The following OR9Q1 variants were observed in gnomAD, a reference collection of about 807,000 sequenced individuals.
OR9Q1 encodes the protein olfactory receptor family 9 subfamily Q member 1, also known as olfactory receptor 9Q1.
For missense variants in OR9Q1, 374 were observed against 378.8 expected (o/e 0.99, Z 0.11); for synonymous variants, 153 against 148.6 (o/e 1.03, Z -0.22).
At chr11:58,063,522 T>A (rs1003521487) in intron 2 of OR9Q1, among the ~76,000 whole-genome samples, 1 of 152,188 alleles carries the variant, frequency 6.6e-6, no homozygotes, top group Non-Finnish European at 1.5e-5. Flanking sequence ...TTATTAGAGT[T>A]ACTCTCAGCC....
At chr11:58,163,161 G>A (rs1350802319) in intron 2 of OR9Q1, among the ~76,000 whole-genome samples, 1 of 152,134 alleles carries the variant, frequency 6.6e-6, no homozygotes, top group Non-Finnish European at 1.5e-5. Context: ...TAATTTTAAG[G>A]TTCAGCTCAA....
At chr11:58,091,081 T>TA (rs1565073678) in intron 2 of OR9Q1, among the ~76,000 whole-genome samples, 25 of 151,930 alleles carry the variant, frequency 1.6e-4, no homozygotes, top group African/African-American at 4.8e-4. Flanking sequence ...TTAATTTTTT[T>TA]TAAAAAAAAC....
chr11:58,118,440 A>G (rs569558741), intron 2 of OR9Q1: 61 of 1,115,118 alleles, frequency 5.5e-5, no homozygotes, highest in Middle Eastern at 3.0e-4. Flanking sequence ...AATGGTGCCT[A>G]TTAGGATATA....
intron 2 of OR9Q1, among the ~76,000 whole-genome samples, chr11:58,076,417 TCC>T (rs1853539352): frequency 1.3e-5 from 2 of 152,194 alleles, no homozygotes; most frequent in African/African-American, 4.8e-5. Flanking sequence ...GGTGCCCATT[TCC>T]TGGCTAGCTG....
chr11:58,145,750 C>T (rs983429457), intron 2 of OR9Q1, among the ~76,000 whole-genome samples: 7 of 152,020 alleles, frequency 4.6e-5, no homozygotes, highest in South Asian at 2.1e-4. Flanking sequence ...ATCTGTCCTG[C>T]GTATTGTGGA....
At chr11:58,109,312 AC>A in intron 2 of OR9Q1, 1 of 461,556 alleles carries the variant, frequency 2.2e-6, no homozygotes, top group Non-Finnish European at 4.4e-6. Flanking sequence ...ATAGGCCATC[AC>A]TGACAGCAGG....
chr11:58,149,811 CAATAAT>C (rs777491852), intron 2 of OR9Q1, among the ~76,000 whole-genome samples: 9 of 152,148 alleles, frequency 5.9e-5, no homozygotes, highest in Non-Finnish European at 1.2e-4. Flanking sequence ...TTTTATAAAT[CAATAAT>C]AATCTATTGC....
intron 2 of OR9Q1, among the ~76,000 whole-genome samples, chr11:58,136,665 A>G (rs1236670818): frequency 6.6e-6 from 1 of 152,220 alleles, no homozygotes; most frequent in Non-Finnish European, 1.5e-5. Context: ...GAGAGAACCA[A>G]ACTTCTAGCT....
At chr11:58,143,092 T>G (rs948450618) in intron 2 of OR9Q1, among the ~76,000 whole-genome samples, 14 of 152,210 alleles carry the variant, frequency 9.2e-5, no homozygotes, top group African/African-American at 3.4e-4. Flanking sequence ...GTGGAGTTGA[T>G]GTTGGAACTC....
chr11:58,123,627 G>A (rs1438283640), intron 2 of OR9Q1, among the ~76,000 whole-genome samples: 1 of 152,158 alleles, frequency 6.6e-6, no homozygotes, highest in African/African-American at 2.4e-5. Context: ...AAGTTAAGAA[G>A]GTTGTCCAAC....
chr11:58,093,511 C>T (rs1247297421), intron 2 of OR9Q1, among the ~76,000 whole-genome samples: 1 of 152,006 alleles, frequency 6.6e-6, no homozygotes, highest in Middle Eastern at 3.4e-3. Context: ...ATTAAAAAGG[C>T]ACACTTTGGG....
chr11:58,027,284 A>C (rs1228089252), intron 1 of OR9Q1, among the ~76,000 whole-genome samples: 3 of 152,142 alleles, frequency 2.0e-5, no homozygotes, highest in Non-Finnish European at 2.9e-5. Flanking sequence ...CAGAGGTGGT[A>C]TGTGTGTCCA....
intron 2 of OR9Q1, among the ~76,000 whole-genome samples, chr11:58,078,758 A>G (rs1006361012): frequency 6.6e-6 from 1 of 152,182 alleles, no homozygotes; most frequent in Admixed American, 6.5e-5. Context: ...AAGACCCATC[A>G]TTGGTATTTT....
chr11:58,095,764 A>G (rs574229718), intron 2 of OR9Q1, among the ~76,000 whole-genome samples: 1 of 152,274 alleles, frequency 6.6e-6, no homozygotes, highest in Non-Finnish European at 1.5e-5. Flanking sequence ...TCAAAATGAG[A>G]TTTGAATGGG....
intron 2 of OR9Q1, among the ~76,000 whole-genome samples, chr11:58,122,547 A>C (rs1243760401): frequency 2.6e-5 from 4 of 152,226 alleles, no homozygotes; most frequent in Non-Finnish European, 5.9e-5. Context: ...TATCTACTAA[A>C]TACTGAGTAT....
chr11:58,162,315 C>T (rs1854464599), intron 2 of OR9Q1, among the ~76,000 whole-genome samples: 1 of 152,184 alleles, frequency 6.6e-6, no homozygotes, highest in South Asian at 2.1e-4. Context: ...TGTAATCATA[C>T]ATGGAAGGAG....
chr11:58,028,777 A>T (rs1254036048), intron 1 of OR9Q1, among the ~76,000 whole-genome samples: 3 of 152,182 alleles, frequency 2.0e-5, no homozygotes, highest in Non-Finnish European at 4.4e-5. Flanking sequence ...CACTGTGGGG[A>T]TGTTAGGCAT....
intron 2 of OR9Q1, among the ~76,000 whole-genome samples, chr11:58,177,110 T>C (rs1485447005): frequency 6.6e-6 from 1 of 152,224 alleles, no homozygotes; most frequent in Non-Finnish European, 1.5e-5. Context: ...TCTTATGCTT[T>C]AAAGGTGATC....
chr11:58,136,240 A>C (rs1854188091), intron 2 of OR9Q1, among the ~76,000 whole-genome samples: 1 of 152,172 alleles, frequency 6.6e-6, no homozygotes, highest in Non-Finnish European at 1.5e-5. Flanking sequence ...TCTGTGCCTG[A>C]ACAACAATTA....
Sources: allele counts gnomAD v4.1 joint callset (sites outside exome capture counted in the v4.1 genomes callset), GRCh38; gene constraint gnomAD v4.1.1; transcripts MANE v1.5; gene names NCBI Gene and HGNC (gene_info 2026-07-23, HGNC 2026-07-21).